MSI2: variants seen among roughly 807,000 people sequenced by gnomAD.
The protein encoded by MSI2 is RNA-binding protein Musashi homolog 2.
In MSI2, 17 loss-of-function variants were observed where a neutral mutation model predicts 45.6. The observed-to-expected ratio is 0.37, with a 90% CI of 0.26 to 0.56. The LOEUF (loss-of-function observed/expected upper bound fraction) is 0.56, where lower values mean the gene tolerates loss of function less well. Among genes scored for constraint, MSI2 ranks in the 20% least tolerant of loss-of-function variants. The pLI, the probability that MSI2 is intolerant of heterozygous loss-of-function variation, is 0.77. For missense variants in MSI2, 293 were observed against 444.2 expected (o/e 0.66, Z 3.06); for synonymous variants, 156 against 158.2 (o/e 0.99, Z 0.11).
intron 6 of MSI2, among the ~76,000 whole-genome samples, chr17:57,485,826 G>A (rs922462462): frequency 1.3e-5 from 2 of 152,212 alleles, no homozygotes; most frequent in African/African-American, 4.8e-5. Context: ...GGATGAGCCA[G>A]TGACCCCCTG....
At chr17:57,434,733 A>G (rs1404274776) in intron 6 of MSI2, among the ~76,000 whole-genome samples, 1 of 152,124 alleles carries the variant, frequency 6.6e-6, no homozygotes, top group African/African-American at 2.4e-5. Context: ...CAAAGGATGT[A>G]ATTTCATTGT....
the MSI2 span, among the ~76,000 whole-genome samples, chr17:57,694,309 T>C: frequency 6.6e-6 from 1 of 152,208 alleles, no homozygotes; most frequent in African/African-American, 2.4e-5. Flanking sequence ...TTTCTTATTC[T>C]TAAGATGGAG....
At chr17:57,520,974 G>A (rs765420436) in intron 6 of MSI2, among the ~76,000 whole-genome samples, 2 of 152,252 alleles carry the variant, frequency 1.3e-5, no homozygotes, top group Non-Finnish European at 2.9e-5. Context: ...CCTAGTTGAG[G>A]AGAAATTATG....
At chr17:57,483,995 G>A (rs934169537) in intron 6 of MSI2, among the ~76,000 whole-genome samples, 1 of 152,208 alleles carries the variant, frequency 6.6e-6, no homozygotes, top group African/African-American at 2.4e-5. Context: ...AAAAGGGTGG[G>A]TTTGGAACCG....
intron 10 of MSI2, among the ~76,000 whole-genome samples, chr17:57,646,842 A>G (rs1230722331): frequency 4.6e-5 from 4 of 86,076 alleles, no homozygotes; most frequent in Non-Finnish European, 9.5e-5. Context: ...CGTTTTGAAT[A>G]TAAGGTTCCC....
intron 6 of MSI2, among the ~76,000 whole-genome samples, chr17:57,489,756 G>A (rs747616831): frequency 1.3e-5 from 2 of 152,214 alleles, no homozygotes; most frequent in Non-Finnish European, 2.9e-5. Flanking sequence ...CACAGTGCCG[G>A]ACACTGGTGA....
At chr17:57,365,944 G>A (rs568555032) in intron 5 of MSI2, among the ~76,000 whole-genome samples, 100 of 152,038 alleles carry the variant, frequency 6.6e-4, no homozygotes, top group Non-Finnish European at 1.3e-3. Context: ...ACAGAGTCTC[G>A]CTCTGTCACC....
chr17:57,413,195 G>A (rs1043706025), intron 6 of MSI2, among the ~76,000 whole-genome samples: 10 of 152,004 alleles, frequency 6.6e-5, no homozygotes, highest in South Asian at 6.2e-4. Context: ...TGTCTGTCTC[G>A]TTCTCTCATT....
intron 4 of MSI2, among the ~76,000 whole-genome samples, chr17:57,259,602 A>G (rs1907126706): frequency 6.6e-6 from 1 of 152,208 alleles, no homozygotes; most frequent in African/African-American, 2.4e-5. Context: ...TGCTTTATTA[A>G]TTGTCCTGGA....
At chr17:57,605,346 C>T (rs773302127) in intron 8 of MSI2, among the ~76,000 whole-genome samples, 3 of 152,224 alleles carry the variant, frequency 2.0e-5, no homozygotes, top group Admixed American at 6.5e-5. Flanking sequence ...GTAATTTGGC[C>T]TGCAGGGAGT....
chr17:57,261,356 CT>C (rs36081982), intron 4 of MSI2, among the ~76,000 whole-genome samples: 32,809 of 144,976 alleles, frequency 0.23, 4,072 homozygotes, highest in East Asian at 0.38. Flanking sequence ...TATTCAGTAA[CT>C]TTTTTTTTTT....
chr17:57,337,458 T>C (rs1914769540), intron 5 of MSI2, among the ~76,000 whole-genome samples: 1 of 152,162 alleles, frequency 6.6e-6, no homozygotes, highest in Non-Finnish European at 1.5e-5. Context: ...CTCCACTTTC[T>C]CGGCCTCTAG....
chr17:57,504,617 G>T (rs1598343016), intron 6 of MSI2, among the ~76,000 whole-genome samples: 1 of 152,328 alleles, frequency 6.6e-6, no homozygotes, highest in Non-Finnish European at 1.5e-5. Flanking sequence ...ACAGTGACAA[G>T]GTTCTGAAGC....
At chr17:57,675,250 A>T in intron 12 of MSI2, 124 bp downstream of exon 12, 1 of 936,324 alleles carries the variant, frequency 1.1e-6, no homozygotes, top group Admixed American at 2.5e-5. Context: ...CCCCATCAAC[A>T]TCACACCAGC....
In MSI2 at chr17:57,369,146, T is replaced by C. The variant is rs528042425; in HGVS notation, c.313-32233T>C. 3.3e-5 allele frequency among the ~76,000 whole-genome samples: 5 copies of C among 152,348 alleles called. No homozygotes were observed. The East Asian group carries it at 9.6e-4, about 29-fold the overall frequency. The stretch of plus-strand genomic sequence containing the variant: ...CATTGTTTACCTCTGGTGGTGGGAA[T>C]GACAGGGTGCTGTTTGTACCATTTT... On this transcript the variant is annotated intron_variant, in intron 5 of 13. Transcript: ENST00000284073.
intron 6 of MSI2, among the ~76,000 whole-genome samples, chr17:57,478,529 C>G (rs1490845155): frequency 6.6e-6 from 1 of 152,226 alleles, no homozygotes; most frequent in African/African-American, 2.4e-5. Context: ...ATCTCCCCGA[C>G]AAAACCAAGT....
At chr17:57,463,157 C>T (rs2085263670) in intron 6 of MSI2, among the ~76,000 whole-genome samples, 1 of 152,184 alleles carries the variant, frequency 6.6e-6, no homozygotes, top group East Asian at 1.9e-4. Context: ...CTGCTAGGAC[C>T]CCGGCCTGCT....
At chr17:57,267,332 G>C (rs1291919133) in intron 5 of MSI2, 4 of 152,330 alleles carry the variant, frequency 2.6e-5, no homozygotes, top group Non-Finnish European at 4.4e-5. Flanking sequence ...AGCTTAAGGA[G>C]GAGGGGCACC....
chr17:57,395,911 GA>G (rs1346207417), intron 5 of MSI2, among the ~76,000 whole-genome samples: 1 of 152,170 alleles, frequency 6.6e-6, no homozygotes, highest in Non-Finnish European at 1.5e-5. Context: ...TCATCTCATT[GA>G]CTTGACTTTT....
Sources: allele counts gnomAD v4.1 joint callset (sites outside exome capture counted in the v4.1 genomes callset), GRCh38; gene constraint gnomAD v4.1.1; transcripts MANE v1.5; gene names NCBI Gene and HGNC (gene_info 2026-07-23, HGNC 2026-07-21).